The following SGCG variants were observed in gnomAD, a reference collection of about 807,000 sequenced individuals.
SGCG encodes gamma-sarcoglycan.
In SGCG, 26 loss-of-function variants were observed where a neutral mutation model predicts 29.3. The observed-to-expected ratio is 0.89, with a 90% CI of 0.65 to 1.23. The LOEUF (loss-of-function observed/expected upper bound fraction) is 1.23. Among genes scored for constraint, SGCG ranks in the 50% most tolerant of loss-of-function variants. The pLI, the probability that SGCG is intolerant of heterozygous loss-of-function variation, is 0.00. For synonymous variants in SGCG, 145 were observed against 129.7 expected (o/e 1.12, Z -0.80); for missense variants, 353 against 356.0 (o/e 0.99, Z 0.07).
chr13:23,277,317 A>C (rs989584881), intron 4 of SGCG, among the ~76,000 whole-genome samples: 1 of 152,192 alleles, frequency 6.6e-6, no homozygotes. Flanking sequence ...TAATAAATAC[A>C]TAGGCATATC....
intron 4 of SGCG, among the ~76,000 whole-genome samples, chr13:23,276,442 T>TTTTTTC (rs1555242851): frequency 7.2e-5 from 10 of 138,732 alleles, no homozygotes; most frequent in African/African-American, 2.6e-4. Flanking sequence ...TTTTTTTTTT[T>TTTTTTC]TTTTTTTTGA....
chr13:23,251,231 C>T (rs758826555), intron 4 of SGCG, among the ~76,000 whole-genome samples: 5 of 152,182 alleles, frequency 3.3e-5, no homozygotes, highest in Non-Finnish European at 5.9e-5. Context: ...CTTACCTGCT[C>T]GGCTGTAGTT....
intron 4 of SGCG, chr13:23,268,885 G>A (rs1209963658): frequency 2.4e-5 from 3 of 126,978 alleles, no homozygotes; most frequent in African/African-American, 8.1e-5. Context: ...GTCAGTTGAG[G>A]ATATTGAACG....
intron 4 of SGCG, among the ~76,000 whole-genome samples, chr13:23,252,553 T>C (rs535702254): frequency 5.1e-4 from 77 of 152,044 alleles, no homozygotes; most frequent in Admixed American, 5.9e-4. Context: ...TAGCCGGGCG[T>C]GGTGGCGGTC....
Position 23,295,313 on chromosome 13 carries a change from G to A in SGCG, c.506-102G>A, listed in dbSNP as rs1318558029. 5.9e-6 allele frequency: 6 copies of A among 1,017,884 alleles called. No homozygotes were observed. The African/African-American group carries it at 6.3e-5, about 11-fold the overall frequency. The allele number at this position is 1,017,884 out of a possible 1,614,324, so 63.1% of individuals were successfully genotyped here. A position where few individuals can be genotyped will look rare whatever the true frequency, so the allele number is the denominator to read the frequency against. ...ACATCTGCAAAAATTCTGCAAGAAA[G>A]AACAAAATCCATATGTTCTTTAATA... On this transcript the variant is annotated intron_variant, in intron 5 of 7. Transcript: ENST00000218867.
chr13:23,250,703 G>T lies in SGCG; in HGVS notation c.371G>T (p.Gly124Val), dbSNP rs183204936. Residue 124 changes from glycine to valine, a missense_variant, in exon 4 of 8, where the codon GGC (glycine) becomes GTC (valine). Gly to Val is a moderately radical substitution (Grantham distance 109). Coordinates refer to ENST00000218867, the MANE Select transcript of SGCG (RefSeq NM_000231.3). ...CGCAACTCAGAAGGGGAGGTCACAG[G>T]CAGGTTAAAAGTCGGTGAGTCCAGC... ...NARNSEGEVT[G>V]RLKVGPKMVE... The T allele has an allele frequency of 3.5e-5, 57 of 1,609,814 alleles. No individual in the cohort carries two copies. The East Asian group carries it at 1.1e-3, about 32-fold the overall frequency.
intron 4 of SGCG, among the ~76,000 whole-genome samples, chr13:23,265,729 A>C (rs1278341959): frequency 6.6e-6 from 1 of 152,220 alleles, no homozygotes; most frequent in Non-Finnish European, 1.5e-5. Context: ...ATACCACCTT[A>C]TGCCAGCCGG....
In SGCG at chr13:23,250,728, C is replaced by G. The variant is rs749127873; in HGVS notation, c.385+11C>G. On this transcript the variant is annotated intron_variant, in intron 4 of 7. Transcript: ENST00000218867. ...GCAGGTTAAAAGTCGGTGAGTCCAG[C>G]TTCATCATGGTGCTTTGCATGCATG... 11 of 1,526,148 alleles carry G rather than the reference C, an allele frequency of 7.2e-6. No homozygotes were observed. Among genetic ancestry groups the G allele is most frequent in the Middle Eastern group, 1.7e-4 (1 of 5,906 alleles). 94.5% of individuals were successfully genotyped at this position (1,526,148 alleles called of 1,614,324 possible).
At chr13:23,255,752 T>C (rs1276064463) in intron 4 of SGCG, among the ~76,000 whole-genome samples, 1 of 152,178 alleles carries the variant, frequency 6.6e-6, no homozygotes, top group East Asian at 1.9e-4. Context: ...GATGGAAGAT[T>C]AGAGGCATTA....
At chr13:23,244,289 G>A (rs1034049974) in intron 3 of SGCG, 1 of 152,162 alleles carries the variant, frequency 6.6e-6, no homozygotes, top group Non-Finnish European at 1.5e-5. Context: ...CGATAACAAA[G>A]AAAGTATAAC....
chr13:23,311,540 A>G (rs1882599375), intron 6 of SGCG, among the ~76,000 whole-genome samples: 2 of 152,164 alleles, frequency 1.3e-5, no homozygotes, highest in Admixed American at 6.5e-5. Flanking sequence ...GCCTTCACCT[A>G]TAAGGTGTCT....
rs1033755809 is a variant in SGCG at position 23,273,270 on chromosome 13, C to T, written c.386-6089C>T. Among the ~76,000 whole-genome samples the T allele has an allele frequency of 3.9e-5, 6 of 152,094 alleles. No individual in the cohort carries two copies. In the South Asian group the frequency reaches 1.0e-3, roughly 26 times the overall value. Reference sequence around the variant, plus strand: ...CACGGTCTCAGCTCACTGCAACCTCCGCCTCCTGGGTTCAAGCAATTCTCC... The same window carrying T: ...CACGGTCTCAGCTCACTGCAACCTCTGCCTCCTGGGTTCAAGCAATTCTCC... On this transcript the variant is annotated intron_variant, in intron 4 of 7. Transcript: ENST00000218867.
chr13:23,274,574 C>T (rs1251375773), intron 4 of SGCG, among the ~76,000 whole-genome samples: 7 of 151,886 alleles, frequency 4.6e-5, no homozygotes, highest in African/African-American at 9.7e-5. Flanking sequence ...AGGAGCCCAC[C>T]ACCATGCTCG....
At chr13:23,185,295 A>C (rs901950225) in intron 1 of SGCG, among the ~76,000 whole-genome samples, 3 of 152,030 alleles carry the variant, frequency 2.0e-5, no homozygotes, top group African/African-American at 2.4e-5. Flanking sequence ...GGGTTCAAGC[A>C]GTTCTCCTGC....
At chr13:23,237,144 C>T (rs1879345532) in intron 3 of SGCG, among the ~76,000 whole-genome samples, 1 of 152,148 alleles carries the variant, frequency 6.6e-6, no homozygotes, top group Non-Finnish European at 1.5e-5. Flanking sequence ...CTACTCTGGC[C>T]TCTAACATCT....
chr13:23,279,128 A>C (rs1487500503), intron 4 of SGCG, among the ~76,000 whole-genome samples: 1 of 152,250 alleles, frequency 6.6e-6, no homozygotes, highest in Non-Finnish European at 1.5e-5. Flanking sequence ...GTATTTGTAC[A>C]TATATTGATA....
At chr13:23,320,842 A>T (rs1883011017) in intron 7 of SGCG, 82 bp downstream of exon 7, 1 of 1,408,086 alleles carries the variant, frequency 7.1e-7, no homozygotes, top group Non-Finnish European at 1.0e-6. Flanking sequence ...TATCAGTATT[A>T]AATTTCTAGT....
intron 4 of SGCG, among the ~76,000 whole-genome samples, chr13:23,273,938 A>G (rs1296719268): frequency 6.6e-6 from 1 of 152,058 alleles, no homozygotes; most frequent in Non-Finnish European, 1.5e-5. Context: ...ATTCCACTTG[A>G]CCTGTCTTGT....
chr13:23,264,852 G>T (rs913420274), intron 4 of SGCG, among the ~76,000 whole-genome samples: 40 of 152,120 alleles, frequency 2.6e-4, no homozygotes, highest in African/African-American at 9.7e-4. Context: ...AATAAATGGT[G>T]CTGGGAAAAT....
Sources: gnomAD v4.1 joint callset for allele counts (sites outside exome capture counted in the v4.1 genomes callset) on GRCh38, gnomAD v4.1.1 for gene constraint, MANE v1.5 for transcripts, NCBI Gene and HGNC (gene_info 2026-07-23, HGNC 2026-07-21) for gene names.